The following MBD5 variants were observed in gnomAD, a reference collection of about 807,000 sequenced individuals.
MBD5 encodes the protein methyl-CpG-binding domain protein 5.
In MBD5, 13 loss-of-function variants were observed where a neutral mutation model predicts 117.3. The ratio of observed to expected loss-of-function variants is 0.11; its 90% CI spans 0.07 to 0.18. The LOEUF is 0.18. Among genes scored for constraint, MBD5 ranks in the 10% least tolerant of loss-of-function variants. The pLI, the probability that MBD5 is intolerant of heterozygous loss-of-function variation, is 1.00. For missense variants in MBD5, 1,879 were observed against 2,093.8 expected (o/e 0.90, Z 2.00); for synonymous variants, 727 against 766.4 (o/e 0.95, Z 0.85).
At chr2:148,230,288 C>A (rs962750788) in intron 2 of MBD5, among the ~76,000 whole-genome samples, 2 of 152,132 alleles carry the variant, frequency 1.3e-5, no homozygotes, top group African/African-American at 4.8e-5. Flanking sequence ...CCCACTCTTC[C>A]CTTCCCTTTT....
At chr2:148,311,625 A>G (rs1032874958) in intron 3 of MBD5, among the ~76,000 whole-genome samples, 20 of 152,166 alleles carry the variant, frequency 1.3e-4, no homozygotes, top group Non-Finnish European at 4.4e-5. Flanking sequence ...GTGTCCTTTA[A>G]TTAGGGCATT....
At position 148,489,710 on chromosome 2, in the gene MBD5, A is replaced by G; in HGVS notation, c.4078A>G (p.Thr1360Ala). The change falls in exon 11 of 14, where the codon ACT (threonine) becomes GCT (alanine). Residue 1360 changes from threonine to alanine, a missense_variant. This residue lies in a region of MBD5 where 1,666 missense variants were observed against 1,792.2 expected (regional missense o/e 0.93). Transcript: ENST00000642680. ...AGCTCTGAGTGCCATGAGTGCCTTC[A>G]CTGCCTCAATTGGTGACCCATTAAA... Reference protein sequence around the residue: ...IPALSAMSAFTASIGDPLNLS... With the variant: ...IPALSAMSAFAASIGDPLNLS... The G allele has an allele frequency of 6.2e-7, 1 of 1,614,184 alleles. No homozygotes were observed.
intron 3 of MBD5, among the ~76,000 whole-genome samples, chr2:148,270,393 A>AT (rs11439214): frequency 0.64 from 91,259 of 141,720 alleles, 30,072 homozygotes; most frequent in East Asian, 0.91. Flanking sequence ...CTTCCTTTCT[A>AT]TTTTTTTTTT....
At chr2:148,144,140 T>C (rs1697386947) in intron 1 of MBD5, among the ~76,000 whole-genome samples, 1 of 152,150 alleles carries the variant, frequency 6.6e-6, no homozygotes, top group Non-Finnish European at 1.5e-5. Flanking sequence ...ATCGCCATTC[T>C]AACTGGTGTG....
intron 3 of MBD5, among the ~76,000 whole-genome samples, chr2:148,299,392 T>G (rs1701730295): frequency 4.0e-5 from 6 of 151,864 alleles, no homozygotes. Context: ...CCTCCCAAAC[T>G]GCTGGGATTA....
At chr2:148,391,629 T>C (rs772813410) in intron 4 of MBD5, among the ~76,000 whole-genome samples, 2 of 152,194 alleles carry the variant, frequency 1.3e-5, no homozygotes, top group Non-Finnish European at 2.9e-5. Context: ...TCCTCTCTAA[T>C]ATGGTCATCT....
intron 3 of MBD5, among the ~76,000 whole-genome samples, chr2:148,314,665 A>G (rs573614886): frequency 6.6e-6 from 1 of 152,202 alleles, no homozygotes; most frequent in South Asian, 2.1e-4. Context: ...GACGAGATCC[A>G]GCGCATTCAG....
At chr2:148,296,779 CT>C (rs1701661083) in intron 3 of MBD5, 1 of 150,276 alleles carries the variant, frequency 6.7e-6, no homozygotes, top group African/African-American at 2.4e-5. Context: ...CAATTTCTGT[CT>C]CTTTATTAAT....
At chr2:148,327,630 G>T (rs370364803) in intron 3 of MBD5, among the ~76,000 whole-genome samples, 2 of 151,188 alleles carry the variant, frequency 1.3e-5, no homozygotes, top group Non-Finnish European at 2.9e-5. Flanking sequence ...CCAGTTGATC[G>T]CATTGGCTCC....
At chr2:148,216,776 G>A (rs1699566790) in intron 2 of MBD5, among the ~76,000 whole-genome samples, 2 of 152,054 alleles carry the variant, frequency 1.3e-5, no homozygotes, top group African/African-American at 4.8e-5. Flanking sequence ...CCAAGCCCGT[G>A]TTTCTCCTTT....
intron 4 of MBD5, among the ~76,000 whole-genome samples, chr2:148,376,285 T>TTTA (rs1703984576): frequency 2.3e-5 from 3 of 131,030 alleles, no homozygotes; most frequent in Non-Finnish European, 3.3e-5. Context: ...TTTTTTTTTT[T>TTTA]GAGACGGAGT....
At position 148,381,156 on chromosome 2, in the gene MBD5, G is replaced by A. The variant is rs1205570776; in HGVS notation, c.-557+38820G>A. Among the ~76,000 whole-genome samples the A allele has an allele frequency of 3.9e-5, 6 of 152,248 alleles. No individual in the cohort carries two copies. In the South Asian group the frequency reaches 1.0e-3, roughly 26 times the overall value. On this transcript the variant is annotated intron_variant, in intron 4 of 13. Coordinates refer to ENST00000642680, the MANE Select transcript of MBD5 (RefSeq NM_001378120.1). ...AAATTGAGAGAGGAAGGCTTCAGAA[G>A]ATCAAACTACTCTGAGCTAAAGGAG...
chr2:148,162,647 C>T (rs1475549392), intron 1 of MBD5, among the ~76,000 whole-genome samples: 1 of 152,040 alleles, frequency 6.6e-6, no homozygotes, highest in Non-Finnish European at 1.5e-5. Context: ...AAGGGTGTTA[C>T]ATGGTCACTT....
In MBD5 at chr2:148,187,307, C is replaced by A. The variant is rs73009272; in HGVS notation, c.-831+8514C>A. On this transcript the variant is annotated intron_variant, in intron 2 of 13. Coordinates refer to ENST00000642680, the MANE Select transcript of MBD5 (RefSeq NM_001378120.1). Reference sequence around the variant, plus strand: ...ACTGAACCCTCCCCCTTCCTCCATACCCCCCCCAAAAAAAAAACCCAGCAC... The same window carrying A: ...ACTGAACCCTCCCCCTTCCTCCATAACCCCCCCAAAAAAAAAACCCAGCAC... 2.7e-3 allele frequency among the ~76,000 whole-genome samples: 399 copies of A among 146,396 alleles called. 2 individuals carry two copies. The highest frequency in any genetic ancestry group is 9.9e-3 in the African/African-American group (371 of 37,486).
chr2:148,112,852 T>TA (rs1247215759), intron 1 of MBD5, among the ~76,000 whole-genome samples: 3 of 152,012 alleles, frequency 2.0e-5, no homozygotes, highest in Non-Finnish European at 4.4e-5. Flanking sequence ...TTTGATCATC[T>TA]AAAAATCTCA....
At chr2:148,310,444 A>C (rs775356909) in intron 3 of MBD5, among the ~76,000 whole-genome samples, 1 of 152,210 alleles carries the variant, frequency 6.6e-6, no homozygotes, top group Non-Finnish European at 1.5e-5. Context: ...AGGTGTTTAT[A>C]GTATTCTCTG....
At chr2:148,502,313 TAGTGAAGGTTAAGGCTCCCCTCCCCGCC>T (rs1219094746) in intron 11 of MBD5, 95 bp from the exon 12 acceptor site, 1 of 789,218 alleles carries the variant, frequency 1.3e-6, no homozygotes, top group African/African-American at 1.7e-5. Context: ...TTTGACAAGG[TAGTGAAGGTTAAGGCTCCCCTCCCCGCC>T]AGTGCAGCAC....
At chr2:148,318,120 GT>G (rs933689745) in intron 3 of MBD5, among the ~76,000 whole-genome samples, 2 of 152,060 alleles carry the variant, frequency 1.3e-5, no homozygotes, top group Non-Finnish European at 2.9e-5. Flanking sequence ...AACATCTGTT[GT>G]TTTTTCACTT....
intron 1 of MBD5, among the ~76,000 whole-genome samples, chr2:148,155,596 C>G (rs977944667): frequency 2.0e-5 from 3 of 152,200 alleles, no homozygotes; most frequent in Admixed American, 2.0e-4. Context: ...ATCCTTGATA[C>G]TTTTGCCTTC....
Sources: gnomAD v4.1 joint callset for allele counts (sites outside exome capture counted in the v4.1 genomes callset) on GRCh38, gnomAD v4.1.1 for gene constraint, gnomAD v4.1.1 regional missense constraint, MANE v1.5 for transcripts, NCBI Gene and HGNC (gene_info 2026-07-23, HGNC 2026-07-21) for gene names.